SLC24A2: variants seen among roughly 807,000 people sequenced by gnomAD.
The protein encoded by SLC24A2 is solute carrier family 24 member 2.
A neutral mutation model predicts 62.0 loss-of-function variants in SLC24A2; 36 were observed. The ratio of observed to expected loss-of-function variants is 0.58; its 90% CI spans 0.44 to 0.77. The LOEUF is 0.77. Ranked by LOEUF, SLC24A2 falls within the 30% of genes least tolerant of loss-of-function variation. SLC24A2 has a pLI of 0.00. For missense variants in SLC24A2, 846 were observed against 817.9 expected, an observed-to-expected ratio of 1.03 and a Z score of -0.42; for synonymous variants, 358 against 294.0, an observed-to-expected ratio of 1.22 and a Z score of -2.23.
At chr9:20,140,843 T>G in the SLC24A2 span, among the ~76,000 whole-genome samples, 1 of 152,198 alleles carries the variant, frequency 6.6e-6, no homozygotes, top group Non-Finnish European at 1.5e-5. Context: ...ATGTCTCCAT[T>G]GCCTTAGAAA....
chr9:19,565,703 G>C (rs1444349597), intron 7 of SLC24A2, among the ~76,000 whole-genome samples: 1 of 152,158 alleles, frequency 6.6e-6, no homozygotes, highest in Non-Finnish European at 1.5e-5. Flanking sequence ...CAGGCTACCT[G>C]ACTTCAAACT....
the SLC24A2 span, among the ~76,000 whole-genome samples, chr9:19,935,763 T>A: frequency 1.3e-5 from 2 of 152,172 alleles, no homozygotes; most frequent in African/African-American, 4.8e-5. Flanking sequence ...TGTGAGGAAC[T>A]CATAGGGAAG....
the SLC24A2 span, among the ~76,000 whole-genome samples, chr9:20,222,487 G>C: frequency 6.6e-6 from 1 of 152,032 alleles, no homozygotes; most frequent in South Asian, 2.1e-4. Flanking sequence ...GAGAATAAAA[G>C]ACAAGGCAAA....
intron 2 of SLC24A2, among the ~76,000 whole-genome samples, chr9:19,765,300 A>G (rs1360495941): frequency 1.3e-5 from 2 of 151,058 alleles, no homozygotes; most frequent in African/African-American, 5.0e-5. Context: ...GTTTACATTT[A>G]AGGTTAATAT....
At chr9:19,850,964 T>TAC in the SLC24A2 span, among the ~76,000 whole-genome samples, 12 of 25,216 alleles carry the variant, frequency 4.8e-4, 1 homozygote, top group Middle Eastern at 0.028. Context: ...TATATATATA[T>TAC]ATGTATATAT....
chr9:20,223,967 A>C, the SLC24A2 span, among the ~76,000 whole-genome samples: 1,509 of 152,176 alleles, frequency 9.9e-3, 27 homozygotes, highest in African/African-American at 0.033. Context: ...CTTCACGTGG[A>C]AACAGGAGAG....
chr9:19,626,028 T>C (rs967041148), intron 2 of SLC24A2, among the ~76,000 whole-genome samples: 1 of 152,160 alleles, frequency 6.6e-6, no homozygotes, highest in Non-Finnish European at 1.5e-5. Flanking sequence ...ACTTATTTGA[T>C]AGGTGTTTTG....
At chr9:20,229,896 A>AC in the SLC24A2 span, among the ~76,000 whole-genome samples, 30 of 35,272 alleles carry the variant, frequency 8.5e-4, no homozygotes, top group African/African-American at 3.5e-3. Context: ...CCCCAACCCC[A>AC]CAACAGTCCC....
chr9:19,727,406 C>G (rs1351003156), intron 2 of SLC24A2, among the ~76,000 whole-genome samples: 1 of 152,178 alleles, frequency 6.6e-6, no homozygotes, highest in African/African-American at 2.4e-5. Context: ...TCCCCACTAT[C>G]TTCCCTAACT....
chr9:19,795,834 G>A, the SLC24A2 span, among the ~76,000 whole-genome samples: 137 of 151,846 alleles, frequency 9.0e-4, no homozygotes, highest in African/African-American at 2.9e-3. Flanking sequence ...GTAACTATGC[G>A]GCACTATTCA....
At chr9:19,752,438 T>G (rs986828128) in intron 2 of SLC24A2, among the ~76,000 whole-genome samples, 2 of 151,254 alleles carry the variant, frequency 1.3e-5, no homozygotes, top group Non-Finnish European at 3.0e-5. Context: ...AAAGAGGCTG[T>G]GTCTTCAAGG....
chr9:19,817,857 G>C, the SLC24A2 span, among the ~76,000 whole-genome samples: 1 of 152,046 alleles, frequency 6.6e-6, no homozygotes, highest in African/African-American at 2.4e-5. Context: ...AGCCTACTGA[G>C]TGAGTAGCTG....
the SLC24A2 span, among the ~76,000 whole-genome samples, chr9:20,264,266 G>A: frequency 1.3e-5 from 2 of 152,196 alleles, no homozygotes; most frequent in South Asian, 2.1e-4. Context: ...CTACTTCACA[G>A]TTCCCTTGAG....
At chr9:19,622,001 T>G (rs2117911176) in intron 3 of SLC24A2, among the ~76,000 whole-genome samples, 1 of 152,342 alleles carries the variant, frequency 6.6e-6, no homozygotes, top group African/African-American at 2.4e-5. Flanking sequence ...CTCTTCCAAC[T>G]TCTACAAAAG....
chr9:19,754,358 C>G (rs748757374), intron 2 of SLC24A2, among the ~76,000 whole-genome samples: 19 of 152,292 alleles, frequency 1.2e-4, no homozygotes, highest in Middle Eastern at 3.4e-3. Context: ...CTCATGACAG[C>G]CTGGCCAGCC....
At chr9:20,197,671 A>G in the SLC24A2 span, among the ~76,000 whole-genome samples, 1 of 151,996 alleles carries the variant, frequency 6.6e-6, no homozygotes, top group African/African-American at 2.4e-5. Context: ...GCCTCAAGTG[A>G]TCTGCCCACC....
chr9:19,856,009 G>A, the SLC24A2 span, among the ~76,000 whole-genome samples: 4 of 151,546 alleles, frequency 2.6e-5, no homozygotes, highest in South Asian at 2.1e-4. Flanking sequence ...CTCTAGTCTC[G>A]TTTGCCTGTT....
chr9:20,224,716 G>C, the SLC24A2 span, among the ~76,000 whole-genome samples: 1 of 152,022 alleles, frequency 6.6e-6, no homozygotes, highest in East Asian at 1.9e-4. Context: ...GATGGAGGGA[G>C]GGAAGAGGAA....
chr9:19,552,237 C>A (rs1407957414), intron 7 of SLC24A2, among the ~76,000 whole-genome samples: 1 of 152,302 alleles, frequency 6.6e-6, no homozygotes, highest in Non-Finnish European at 1.5e-5. Context: ...TCTGTCTCTT[C>A]CTTGTGGATA....
Sources: allele counts gnomAD v4.1 joint callset (sites outside exome capture counted in the v4.1 genomes callset), GRCh38; gene constraint gnomAD v4.1.1; transcripts MANE v1.5; gene names NCBI Gene and HGNC (gene_info 2026-07-23, HGNC 2026-07-21).